DZANK1: variants seen among roughly 807,000 people sequenced by gnomAD.
DZANK1 encodes double zinc ribbon and ankyrin repeat-containing protein 1.
Under a neutral mutation model 94.5 loss-of-function variants are expected in DZANK1, and 91 were observed. That is an observed-to-expected ratio of 0.96 (90% CI 0.81 to 1.15). The LOEUF is 1.15. DZANK1 is among the 50% of genes most tolerant of loss of function. The pLI is 0.00. For synonymous variants in DZANK1, 312 were observed against 325.3 expected, an observed-to-expected ratio of 0.96 and a Z score of 0.44; for missense variants, 903 against 916.4, an observed-to-expected ratio of 0.99 and a Z score of 0.19.
chr20:18,453,747 G>T lies in DZANK1; in HGVS notation c.459C>A (p.Asn153Lys), dbSNP rs905312312. The change falls in exon 5 of 21, where the codon AAC becomes AAA. Residue 153 changes from asparagine (N) to lysine (K), a missense_variant. Transcript: ENST00000262547. The stretch of plus-strand genomic sequence containing the variant: ...ACATCATACCTGGAAACTTTCTAAG[G>T]TTAACATTCCAGCTGCGTTGATTTT... The T allele has an allele frequency of 1.9e-6, 3 of 1,611,610 alleles. No individual in the cohort carries two copies. The East Asian group carries it at 6.7e-5, about 36-fold the overall frequency.
chr20:18,390,675 C>T (rs1010588511), intron 17 of DZANK1, among the ~76,000 whole-genome samples: 9 of 152,088 alleles, frequency 5.9e-5, no homozygotes, highest in African/African-American at 1.4e-4. Flanking sequence ...GCAAGGTTAC[C>T]GCATGGACAC....
chr20:18,446,897 TC>T (rs2058898456), intron 7 of DZANK1, among the ~76,000 whole-genome samples: 2 of 151,872 alleles, frequency 1.3e-5, no homozygotes, highest in African/African-American at 4.8e-5. Context: ...GAAAAGAAAA[TC>T]CCCCAACATC....
intron 12 of DZANK1, 138 bp from the exon 13 acceptor site, chr20:18,412,991 C>A: frequency 1.2e-6 from 1 of 800,428 alleles, no homozygotes; most frequent in Non-Finnish European, 1.9e-6. Flanking sequence ...GGTTTTCCAG[C>A]CTTTGCCTCA....
exon 6 of DZANK1, chr20:18,452,648 T>G: frequency 6.2e-7 from 1 of 1,602,686 alleles, no homozygotes; most frequent in Non-Finnish European, 8.5e-7. Context: ...TAGAACCTGA[T>G]CCTCCACCAT....
intron 3 of DZANK1, among the ~76,000 whole-genome samples, chr20:18,456,209 T>C (rs144446073): frequency 2.2e-4 from 34 of 152,312 alleles, no homozygotes; most frequent in African/African-American, 7.9e-4. Flanking sequence ...CTGTAGACAG[T>C]GTAATATATG....
intron 8 of DZANK1, among the ~76,000 whole-genome samples, chr20:18,439,107 A>G (rs906631874): frequency 2.6e-5 from 4 of 152,214 alleles, no homozygotes; most frequent in Admixed American, 1.3e-4. Flanking sequence ...CTGCGCACCT[A>G]AAGTCCCAGC....
At chr20:18,439,626 T>A (rs1019287373) in intron 8 of DZANK1, among the ~76,000 whole-genome samples, 5 of 152,152 alleles carry the variant, frequency 3.3e-5, no homozygotes, top group Admixed American at 1.3e-4. Flanking sequence ...ATCAGGGAAC[T>A]CCTCTAAATA....
Position 18,449,149 on chromosome 20 carries a change from C to T in DZANK1, c.544-80G>A, listed in dbSNP as rs551788462. 3.6e-6 allele frequency: 4 copies of T among 1,096,394 alleles called. No individual in the cohort carries two copies. In the East Asian group the frequency reaches 7.1e-5, roughly 20 times the overall value. 67.9% of individuals were successfully genotyped at this position (1,096,394 alleles called of 1,614,324 possible). On this transcript the variant is annotated intron_variant, in intron 6 of 20. Transcript: ENST00000262547. ...TAAAGGCTATGGTATAGTAAAATTC[C>T]ATTAAAAATCATTATGGGTGAATAC...
At chr20:18,434,212 C>G (rs1601003386) in intron 8 of DZANK1, among the ~76,000 whole-genome samples, 2 of 151,474 alleles carry the variant, frequency 1.3e-5, no homozygotes, top group Admixed American at 6.6e-5. Flanking sequence ...GAAATTGTAG[C>G]ATGATGGAAT....
chr20:18,430,235 G>A (rs2058229220), intron 9 of DZANK1, among the ~76,000 whole-genome samples: 1 of 152,122 alleles, frequency 6.6e-6, no homozygotes, highest in African/African-American at 2.4e-5. Flanking sequence ...TGCTTGAGGT[G>A]GAGTTATGGT....
At chr20:18,416,381 C>G (rs2057491643) in intron 10 of DZANK1, among the ~76,000 whole-genome samples, 1 of 152,218 alleles carries the variant, frequency 6.6e-6, no homozygotes, top group South Asian at 2.1e-4. Context: ...TTCCTTTCCA[C>G]TAGACCCTGA....
chr20:18,446,856 C>T (rs989485712), intron 7 of DZANK1, among the ~76,000 whole-genome samples: 3 of 152,040 alleles, frequency 2.0e-5, no homozygotes, highest in South Asian at 2.1e-4. Context: ...AGAATTATAC[C>T]GATACTAAAA....
At chr20:18,444,430 G>A (rs145107193) in intron 7 of DZANK1, among the ~76,000 whole-genome samples, 212 of 152,318 alleles carry the variant, frequency 1.4e-3, no homozygotes, top group Non-Finnish European at 2.5e-3. Context: ...AAGGTAACTG[G>A]AGCTTTCAGG....
At chr20:18,394,409 A>G in intron 15 of DZANK1, 59 bp from the exon 16 acceptor site, 3 of 1,516,988 alleles carry the variant, frequency 2.0e-6, no homozygotes, top group South Asian at 1.2e-5. Flanking sequence ...CCCACTAGAA[A>G]GAAGGATCTC....
At chr20:18,395,554 C>A (rs1225718551) in intron 15 of DZANK1, among the ~76,000 whole-genome samples, 1 of 152,178 alleles carries the variant, frequency 6.6e-6, no homozygotes, top group African/African-American at 2.4e-5. Flanking sequence ...CCTTCCCCAG[C>A]AAAGTGCCCT....
rs1444076392 is a variant in DZANK1, at chr20:18,405,690, A to C, written c.1432+6956T>G. ...CCTGCTGGAACACCAAATTTTAACA[A>C]CTATCTGTACTCAGAAAAGCACCAT... On this transcript the variant is annotated intron_variant, in intron 13 of 20. Coordinates refer to ENST00000262547, the Ensembl canonical transcript of DZANK1. Among the ~76,000 whole-genome samples, 5 of 152,330 alleles carry C rather than the reference A, an allele frequency of 3.3e-5. No homozygotes were observed. The East Asian group carries it at 9.6e-4, about 29-fold the overall frequency.
chr20:18,462,050 T>G (rs1365461846), intron 2 of DZANK1, among the ~76,000 whole-genome samples: 2 of 152,114 alleles, frequency 1.3e-5, no homozygotes, highest in Non-Finnish European at 2.9e-5. Context: ...TTTCCTAATT[T>G]CCTAGGTTAA....
rs550356575 is a variant in DZANK1, at chr20:18,416,125, A to G, written c.955-676T>C. Among the ~76,000 whole-genome samples the G allele has an allele frequency of 5.9e-5, 9 of 152,232 alleles. No homozygotes were observed. In the East Asian group the frequency reaches 1.4e-3, roughly 23 times the overall value. The stretch of plus-strand genomic sequence containing the variant: ...ACGTCAGTCCCACTGTAGACCTGGG[A>G]GGTGGGTGCTGTCATTGTCCCCATC... On this transcript the variant is annotated intron_variant, in intron 10 of 20. Coordinates refer to ENST00000262547, the Ensembl canonical transcript of DZANK1.
chr20:18,455,542 T>C lies in DZANK1; in HGVS notation c.264-181A>G, dbSNP rs138040375. The stretch of plus-strand genomic sequence containing the variant: ...CTGACCTCCTTCCTTTTGGGCTATT[T>C]ACTGCTATGTAACAAACCACCCCAA... On this transcript the variant is annotated intron_variant, in intron 3 of 20. Transcript: ENST00000262547. Among the ~76,000 whole-genome samples, 165 of 152,326 alleles carry C rather than the reference T, an allele frequency of 1.1e-3. 1 individual carries two copies. The highest frequency in any genetic ancestry group is 0.01 in the Middle Eastern group (3 of 294).
Sources: allele counts gnomAD v4.1 joint callset (sites outside exome capture counted in the v4.1 genomes callset), GRCh38; gene constraint gnomAD v4.1.1; transcripts MANE v1.5; gene names NCBI Gene and HGNC (gene_info 2026-07-23, HGNC 2026-07-21).